The following GBP7 variants were observed in gnomAD, a reference collection of about 807,000 sequenced individuals.
GBP7 encodes guanylate-binding protein 7.
In GBP7, 43 loss-of-function variants were observed where a neutral mutation model predicts 61.3. That is an observed-to-expected ratio of 0.70 (90% CI 0.55 to 0.91). The LOEUF (loss-of-function observed/expected upper bound fraction) is 0.91. Among genes scored for constraint, GBP7 ranks in the 40% least tolerant of loss-of-function variants. The pLI is 0.00. For synonymous variants in GBP7, 267 were observed against 271.0 expected (o/e 0.99, Z 0.14); for missense variants, 717 against 740.5 (o/e 0.97, Z 0.37).
At chr1:89,147,110 C>T (rs1682086416) in intron 8 of GBP7, among the ~76,000 whole-genome samples, 1 of 152,152 alleles carries the variant, frequency 6.6e-6, no homozygotes, top group African/African-American at 2.4e-5. Flanking sequence ...ATCTGATACA[C>T]AAAATGAATG....
chr1:89,173,251 C>T (rs1200501940), intron 1 of GBP7, among the ~76,000 whole-genome samples: 2 of 152,102 alleles, frequency 1.3e-5, no homozygotes, highest in Admixed American at 6.6e-5. Flanking sequence ...TTCATTATTT[C>T]TAGACCCACT....
chr1:89,133,909 T>A (rs1681735465), intron 9 of GBP7, among the ~76,000 whole-genome samples: 1 of 152,132 alleles, frequency 6.6e-6, no homozygotes. Context: ...ATGGCTGCAG[T>A]GGAGCACAAC....
rs1432703314 is a variant in GBP7 at position 89,152,268 on chromosome 1, C to G, written c.625G>C (p.Gly209Arg). ...TCCCATCTAGGCCATGCTCTGATAC[C>G]TGAAATCAGCTTCAAGGCATTCTCC... ...YLENALKLIS[G>R]KNPQIQNSNK... Residue 209 changes from glycine (G) to arginine (R), a missense_variant and splice_region_variant, in exon 5 of 11, where the codon GGC becomes CGC. Physicochemically the swap from Gly to Arg is moderately radical, Grantham distance 125. This residue lies in a region of GBP7 where 387 missense variants were observed against 385.2 expected (regional missense o/e 1.00). Transcript: ENST00000294671. The G allele has an allele frequency of 3.1e-6, 5 of 1,613,340 alleles. No individual in the cohort carries two copies. The East Asian group carries it at 1.1e-4, about 36-fold the overall frequency.
rs1357971976 is a variant in GBP7, at chr1:89,171,974, T to C, written c.-19-20A>G. 6.5e-7 allele frequency: 1 copy of C among 1,537,290 alleles called. No individual in the cohort carries two copies. Among genetic ancestry groups the C allele is most frequent in the Non-Finnish European group, 9.0e-7 (1 of 1,116,310 alleles). On this transcript the variant is annotated intron_variant, in intron 1 of 10. Transcript: ENST00000294671. ...CTCTGTCTGCAAGGAAAAAATGAAA[T>C]GGAAAGTAATGTCTGGTAAGTCAGT...
At chr1:89,141,786 T>C in intron 8 of GBP7, 138 bp from the exon 9 acceptor site, 1 of 661,892 alleles carries the variant, frequency 1.5e-6, no homozygotes. Context: ...GTGGTTTCTT[T>C]CCTTCCACAG....
rs1209486759 is a variant in GBP7 at position 89,131,820 on chromosome 1, C to T, written c.*329G>A. 4.5e-5 allele frequency: 8 copies of T among 176,084 alleles called. No individual in the cohort carries two copies. In the South Asian group the frequency reaches 5.1e-4, roughly 11 times the overall value. 10.9% of individuals were successfully genotyped at this position (176,084 alleles called of 1,614,324 possible). A position where few individuals can be genotyped will look rare whatever the true frequency, so the allele number is the denominator to read the frequency against. On this transcript the variant is annotated 3_prime_UTR_variant, in exon 11 of 11. Coordinates refer to ENST00000294671, the MANE Select transcript of GBP7 (RefSeq NM_207398.3). Reference sequence around the variant, plus strand: ...ATTTTTGCCTGTTTAAAATATGTGGCGTTACTCTCTTCTCACTGATTTGCA... The same window carrying T: ...ATTTTTGCCTGTTTAAAATATGTGGTGTTACTCTCTTCTCACTGATTTGCA...
chr1:89,167,994 T>TC (rs1647490029), intron 2 of GBP7, among the ~76,000 whole-genome samples: 1 of 152,198 alleles, frequency 6.6e-6, no homozygotes, highest in Non-Finnish European at 1.5e-5. Flanking sequence ...TGCACACTTC[T>TC]CAATTGATGG....
intron 8 of GBP7, among the ~76,000 whole-genome samples, chr1:89,144,040 T>C (rs1682013072): frequency 6.6e-6 from 1 of 152,144 alleles, no homozygotes; most frequent in South Asian, 2.1e-4. Context: ...GCCTCCTCCC[T>C]CTTGTATTCC....
chr1:89,158,893 C>T (rs1023444285), intron 3 of GBP7, among the ~76,000 whole-genome samples: 6 of 151,678 alleles, frequency 4.0e-5, no homozygotes, highest in East Asian at 1.9e-4. Context: ...AAAAAGAGCC[C>T]GCATTGCCAA....
chr1:89,156,746 A>T (rs1365511570), intron 3 of GBP7, among the ~76,000 whole-genome samples: 1 of 152,220 alleles, frequency 6.6e-6, no homozygotes, highest in South Asian at 2.1e-4. Flanking sequence ...AGACTCCCAC[A>T]CAATACTAAT....
chr1:89,132,609 C>G (rs1032195561), intron 10 of GBP7, among the ~76,000 whole-genome samples: 57 of 152,132 alleles, frequency 3.7e-4, no homozygotes, highest in African/African-American at 1.3e-3. Context: ...TCCTCAGCAC[C>G]ATCTCACTGG....
intron 3 of GBP7, among the ~76,000 whole-genome samples, chr1:89,156,420 A>G (rs1682316286): frequency 6.6e-6 from 1 of 152,228 alleles, no homozygotes; most frequent in Non-Finnish European, 1.5e-5. Flanking sequence ...AATTGGATAA[A>G]GAGACAAGAC....
Position 89,171,813 on chromosome 1 carries a change from C to G in GBP7, c.123G>C (p.Val41=). The part of the protein sequence containing the change: ...LSAITQPVVV[V]AIVGLYRTGK... The stretch of plus-strand genomic sequence containing the variant: ...CTGTGCGGTAGAGGCCCACAATTGC[C>G]ACCACTACTACAGGCTGTGTAATGG... Residue 41 remains valine (V), a synonymous_variant, in exon 2 of 11, where the codon GTG becomes GTC. Transcript: ENST00000294671. 1 of 1,613,754 alleles carries G rather than the reference C, an allele frequency of 6.2e-7. No homozygotes were observed. Among genetic ancestry groups the G allele is most frequent in the Non-Finnish European group, 8.5e-7 (1 of 1,179,926 alleles).
At chr1:89,160,792 A>T (rs184106788) in intron 3 of GBP7, among the ~76,000 whole-genome samples, 2 of 152,292 alleles carry the variant, frequency 1.3e-5, no homozygotes, top group African/African-American at 4.8e-5. Context: ...TAGAATTAGT[A>T]TGTTTTGGCT....
intron 10 of GBP7, 148 bp from the exon 11 acceptor site, chr1:89,132,551 C>T: frequency 1.6e-6 from 1 of 641,250 alleles, no homozygotes; most frequent in Non-Finnish European, 2.7e-6. Flanking sequence ...TTCCAGATGA[C>T]TGGACCTAAA....
In GBP7 at chr1:89,141,532, C is replaced by T. The variant is rs761779061; in HGVS notation, c.1468+14G>A. On this transcript the variant is annotated intron_variant, in intron 9 of 10. Coordinates refer to ENST00000294671, the MANE Select transcript of GBP7 (RefSeq NM_207398.3). ...CCTACCCATTTGCCTGAGAGCTGAGCCCTGCCCCTGTACCTGCTATGGCCT... is the reference window on the plus strand; with the variant it reads ...CCTACCCATTTGCCTGAGAGCTGAGTCCTGCCCCTGTACCTGCTATGGCCT... The T allele has an allele frequency of 1.9e-6, 3 of 1,611,194 alleles. No individual in the cohort carries two copies. The highest frequency in any genetic ancestry group is 1.7e-6 in the Non-Finnish European group (2 of 1,177,766).
intron 4 of GBP7, 96 bp from the exon 5 acceptor site, chr1:89,152,560 C>G (rs376520521): frequency 6.7e-7 from 1 of 1,494,888 alleles, no homozygotes; most frequent in South Asian, 1.2e-5. Flanking sequence ...TGCACTGTTT[C>G]TCTTCTTACT....
intron 9 of GBP7, among the ~76,000 whole-genome samples, chr1:89,139,046 C>T (rs1014497599): frequency 1.3e-5 from 2 of 152,082 alleles, no homozygotes; most frequent in African/African-American, 4.8e-5. Flanking sequence ...TCCAAGAAGA[C>T]ATACACATGG....
chr1:89,164,165 C>G (rs1437619624), intron 3 of GBP7, among the ~76,000 whole-genome samples: 1 of 152,168 alleles, frequency 6.6e-6, no homozygotes, highest in Non-Finnish European at 1.5e-5. Flanking sequence ...CCACCGTGCC[C>G]GGCTAGCTAG....
Sources: gnomAD v4.1 joint callset for allele counts (sites outside exome capture counted in the v4.1 genomes callset) on GRCh38, gnomAD v4.1.1 for gene constraint, gnomAD v4.1.1 regional missense constraint, MANE v1.5 for transcripts, NCBI Gene and HGNC (gene_info 2026-07-23, HGNC 2026-07-21) for gene names.